ADGRL3: variants seen among roughly 807,000 people sequenced by gnomAD.
The protein encoded by ADGRL3 is adhesion G protein-coupled receptor L3, also known as calcium-independent alpha-latrotoxin receptor 3.
In ADGRL3, 62 loss-of-function variants were observed where a neutral mutation model predicts 153.5. The ratio of observed to expected loss-of-function variants is 0.40; its 90% confidence interval spans 0.33 to 0.50. The LOEUF (loss-of-function observed/expected upper bound fraction) is 0.50. ADGRL3 is among the 20% of genes least tolerant of loss of function. The pLI, the probability that ADGRL3 is intolerant of heterozygous loss-of-function variation, is 0.47. For missense variants in ADGRL3, 1,641 were observed against 1,859.4 expected (o/e 0.88, Z 2.16); for synonymous variants, 710 against 672.5 (o/e 1.06, Z -0.86).
At chr4:61,921,007 T>G (rs141547229) in intron 13 of ADGRL3, among the ~76,000 whole-genome samples, 45 of 152,210 alleles carry the variant, frequency 3.0e-4, no homozygotes, top group African/African-American at 9.6e-4. Context: ...CAGTGAAATC[T>G]TATTCAGTTT....
At chr4:61,281,908 C>G (rs2093737829) in intron 1 of ADGRL3, among the ~76,000 whole-genome samples, 1 of 152,018 alleles carries the variant, frequency 6.6e-6, no homozygotes, top group African/African-American at 2.4e-5. Flanking sequence ...TTTCTAGATT[C>G]ACCAATGTGA....
intron 9 of ADGRL3, among the ~76,000 whole-genome samples, chr4:61,864,004 C>G (rs1175172181): frequency 6.6e-6 from 1 of 152,158 alleles, no homozygotes. Flanking sequence ...AAAATGCTCT[C>G]AAACATTTAT....
At chr4:61,687,454 A>T (rs2095467328) in intron 6 of ADGRL3, among the ~76,000 whole-genome samples, 1 of 152,036 alleles carries the variant, frequency 6.6e-6, no homozygotes. Flanking sequence ...AGGAGCCACT[A>T]GCCTCTAATA....
intron 3 of ADGRL3, among the ~76,000 whole-genome samples, chr4:61,498,596 T>C (rs1026269426): frequency 3.3e-5 from 5 of 152,042 alleles, no homozygotes; most frequent in African/African-American, 1.2e-4. Flanking sequence ...TATTAATGTG[T>C]GTTTTCACTT....
At chr4:61,300,296 T>A (rs1257178158) in intron 1 of ADGRL3, among the ~76,000 whole-genome samples, 1 of 152,218 alleles carries the variant, frequency 6.6e-6, no homozygotes, top group Non-Finnish European at 1.5e-5. Context: ...TCTAAATGCA[T>A]AAATCTTACA....
chr4:61,997,638 A>T (rs539668850), intron 20 of ADGRL3, among the ~76,000 whole-genome samples: 74 of 152,176 alleles, frequency 4.9e-4, no homozygotes, highest in African/African-American at 1.8e-3. Context: ...CTCTGTTTCC[A>T]GTGATATGAC....
chr4:61,789,323 A>G (rs1446412091), intron 8 of ADGRL3, among the ~76,000 whole-genome samples: 2 of 151,832 alleles, frequency 1.3e-5, no homozygotes, highest in East Asian at 3.9e-4. Flanking sequence ...GTTGGTCTTT[A>G]TTAACAAAGG....
chr4:61,218,523 C>G (rs917193464), intron 1 of ADGRL3, among the ~76,000 whole-genome samples: 1 of 151,792 alleles, frequency 6.6e-6, no homozygotes, highest in Admixed American at 6.6e-5. Flanking sequence ...GAGACGAGAT[C>G]TTGCTTAGTT....
chr4:62,057,980 G>A (rs1311600545), intron 25 of ADGRL3, among the ~76,000 whole-genome samples: 1 of 152,082 alleles, frequency 6.6e-6, no homozygotes. Context: ...TGCCATGCTT[G>A]ATACACATAT....
chr4:61,871,960 C>A (rs968579282), intron 9 of ADGRL3, among the ~76,000 whole-genome samples: 2 of 152,136 alleles, frequency 1.3e-5, no homozygotes, highest in African/African-American at 2.4e-5. Context: ...TCAAAAATTT[C>A]TTCTTTATAC....
intron 2 of ADGRL3, among the ~76,000 whole-genome samples, chr4:61,418,052 T>A (rs2152313563): frequency 6.6e-6 from 1 of 152,286 alleles, no homozygotes; most frequent in Admixed American, 6.5e-5. Flanking sequence ...TCCTTACATG[T>A]GACCTTCATT....
Position 61,394,380 on chromosome 4 carries a change from G to T in ADGRL3, c.-174+11191G>T, listed in dbSNP as rs144854908. On this transcript the variant is annotated intron_variant, in intron 2 of 26. Transcript: ENST00000683033. Reference sequence around the variant, plus strand: ...ATCAGATAAAAATCTGAGATGGATGGCTGGATCGGATAGCTACAGTATTCT... The same window carrying T: ...ATCAGATAAAAATCTGAGATGGATGTCTGGATCGGATAGCTACAGTATTCT... 1.8e-3 allele frequency among the ~76,000 whole-genome samples: 274 copies of T among 152,070 alleles called. 2 individuals are homozygous for T. Among genetic ancestry groups the T allele is most frequent in the African/African-American group, 6.4e-3 (265 of 41,534 alleles).
chr4:61,412,869 T>C (rs1395947301), intron 2 of ADGRL3, among the ~76,000 whole-genome samples: 1 of 152,238 alleles, frequency 6.6e-6, no homozygotes, highest in Non-Finnish European at 1.5e-5. Context: ...ATGATTGCTT[T>C]AAAAATCTTT....
rs184034371 is a variant in ADGRL3 at position 61,587,401 on chromosome 4, G to A, written c.434G>A (p.Arg145Gln). The stretch of plus-strand genomic sequence containing the variant: ...GACCCTGCTCAGATGGAGAATATCC[G>A]ATGTTATCTGCCAGATGCCTATAAG... ...DSDPAQMENI[R>Q]CYLPDAYKIM... The change falls in exon 5 of 27, where the codon CGA becomes CAA. Residue 145 changes from arginine (R) to glutamine (Q), a missense_variant. Around this residue, in one of 5 missense-constraint regions of ADGRL3, gnomAD observed 213 missense variants for 362.1 expected, o/e 0.59. Coordinates refer to ENST00000683033, the MANE Select transcript of ADGRL3 (RefSeq NM_001387552.1). The A allele has an allele frequency of 2.5e-6, 4 of 1,612,396 alleles. No individual in the cohort carries two copies. Among genetic ancestry groups the A allele is most frequent in the Middle Eastern group, 1.7e-4 (1 of 6,042 alleles).
chr4:61,971,021 G>A (rs2099025159), intron 17 of ADGRL3, among the ~76,000 whole-genome samples: 1 of 151,828 alleles, frequency 6.6e-6, no homozygotes, highest in African/African-American at 2.4e-5. Flanking sequence ...TTATGCTCAT[G>A]GATATGTTAG....
intron 5 of ADGRL3, among the ~76,000 whole-genome samples, chr4:61,630,851 T>C (rs2093120454): frequency 6.6e-6 from 1 of 152,234 alleles, no homozygotes; most frequent in African/African-American, 2.4e-5. Context: ...ACTTACCTTG[T>C]CATTTAGAAG....
At chr4:61,463,874 A>G (rs1294552382) in intron 2 of ADGRL3, among the ~76,000 whole-genome samples, 1 of 152,126 alleles carries the variant, frequency 6.6e-6, no homozygotes, top group Non-Finnish European at 1.5e-5. Flanking sequence ...CAGTGAATGG[A>G]AGTAGCTGGT....
At chr4:61,237,810 G>A (rs1753407372) in intron 1 of ADGRL3, among the ~76,000 whole-genome samples, 1 of 152,102 alleles carries the variant, frequency 6.6e-6, no homozygotes, top group Non-Finnish European at 1.5e-5. Flanking sequence ...TCCCTTTTAG[G>A]AGCCAGGTGA....
intron 9 of ADGRL3, among the ~76,000 whole-genome samples, chr4:61,867,540 A>ATATATATAT (rs201200813): frequency 1.9e-4 from 25 of 132,014 alleles, no homozygotes; most frequent in Non-Finnish European, 2.8e-4. Flanking sequence ...ATATATATAT[A>ATATATATAT]ATTGTAGGAG....
Sources: gnomAD v4.1 joint callset for allele counts (sites outside exome capture counted in the v4.1 genomes callset) on GRCh38, gnomAD v4.1.1 for gene constraint, gnomAD v4.1.1 regional missense constraint, MANE v1.5 for transcripts, NCBI Gene and HGNC (gene_info 2026-07-23, HGNC 2026-07-21) for gene names.